FKBP9: variants seen among roughly 807,000 people sequenced by gnomAD.
The protein encoded by FKBP9 is peptidyl-prolyl cis-trans isomerase FKBP9.
Under a neutral mutation model 55.6 loss-of-function variants are expected in FKBP9, and 27 were observed. The ratio of observed to expected loss-of-function variants is 0.49; its 90% CI spans 0.36 to 0.67. The LOEUF is 0.67. Ranked by LOEUF, FKBP9 falls within the 30% of genes least tolerant of loss-of-function variation. The pLI, the probability that FKBP9 is intolerant of heterozygous loss-of-function variation, is 0.00. For synonymous variants in FKBP9, 267 were observed against 296.5 expected (o/e 0.90, Z 1.02); for missense variants, 539 against 742.8 (o/e 0.73, Z 3.19).
chr7:32,965,866 T>TATATATGTATACACATATATATAC (rs70989913), intron 1 of FKBP9, among the ~76,000 whole-genome samples: 6 of 97,534 alleles, frequency 6.2e-5, no homozygotes, highest in African/African-American at 2.4e-4. Context: ...TATATATATA[T>TATATATGTATACACATATATATAC]ACATACATAT....
intron 5 of FKBP9, 41 bp downstream of exon 5, chr7:32,980,594 A>G: frequency 1.2e-6 from 2 of 1,601,018 alleles, no homozygotes; most frequent in Non-Finnish European, 1.7e-6. Context: ...AGAACATTGT[A>G]TTAAATAAAG....
intron 1 of FKBP9, among the ~76,000 whole-genome samples, chr7:32,969,152 A>G (rs1350733186): frequency 6.6e-6 from 1 of 152,006 alleles, no homozygotes; most frequent in Non-Finnish European, 1.5e-5. Context: ...ATCCCTTATC[A>G]TATATGAGGT....
intron 9 of FKBP9, among the ~76,000 whole-genome samples, chr7:33,004,104 G>T (rs1369782460): frequency 6.6e-6 from 1 of 152,064 alleles, no homozygotes; most frequent in Non-Finnish European, 1.5e-5. Context: ...CTCGTAGGCC[G>T]TAATGGTCCT....
At chr7:32,960,847 T>C (rs1784007606) in intron 1 of FKBP9, among the ~76,000 whole-genome samples, 1 of 152,378 alleles carries the variant, frequency 6.6e-6, no homozygotes. Context: ...CTGTCTCTCA[T>C]AGAGTTCACA....
intron 8 of FKBP9, among the ~76,000 whole-genome samples, chr7:33,002,422 C>A (rs1784951318): frequency 6.6e-6 from 1 of 152,172 alleles, no homozygotes; most frequent in African/African-American, 2.4e-5. Context: ...CGTGAGCCAC[C>A]ATGCCTGGCC....
intron 1 of FKBP9, among the ~76,000 whole-genome samples, chr7:32,961,002 C>G (rs545379943): frequency 6.6e-6 from 1 of 152,176 alleles, no homozygotes; most frequent in Non-Finnish European, 1.5e-5. Flanking sequence ...GCCCAAGGAA[C>G]ATAAGTACTA....
In FKBP9 at chr7:32,975,192, C is replaced by G. The variant is rs1562566227; in HGVS notation, c.378C>G (p.Ile126Met). The G allele has an allele frequency of 1.2e-6, 2 of 1,610,656 alleles. No homozygotes were observed. Among genetic ancestry groups the G allele is most frequent in the Non-Finnish European group, 1.7e-6 (2 of 1,177,062 alleles). Residue 126 changes from isoleucine to methionine, a missense_variant, in exon 3 of 10, where the codon ATC becomes ATG. This residue lies in a region of FKBP9 where 236 missense variants were observed against 271.5 expected (regional missense o/e 0.87). Coordinates refer to ENST00000242209, the MANE Select transcript of FKBP9 (RefSeq NM_007270.5). ...AYGNEGVSGV[I>M]PPNSVLHFDV... ...ATCTTTAATTTCTAGCTGGTGTGAT[C>G]CCCCCCAATTCAGTGCTTCATTTTG...
intron 1 of FKBP9, among the ~76,000 whole-genome samples, chr7:32,961,154 T>C (rs895899697): frequency 6.6e-6 from 1 of 152,066 alleles, no homozygotes; most frequent in African/African-American, 2.4e-5. Flanking sequence ...TGTCTGTGTG[T>C]GGGGGAGGTT....
At chr7:32,993,388 G>A (rs184328002) in intron 6 of FKBP9, among the ~76,000 whole-genome samples, 4 of 152,182 alleles carry the variant, frequency 2.6e-5, no homozygotes, top group African/African-American at 9.6e-5. Flanking sequence ...ATCAACCTCT[G>A]ACAACCACCT....
Position 33,005,467 on chromosome 7 carries a change from G to C in FKBP9, c.*116G>C, listed in dbSNP as rs1785018305. 1 of 1,143,392 alleles carries C rather than the reference G, an allele frequency of 8.7e-7. No individual in the cohort carries two copies. The highest frequency in any genetic ancestry group is 1.5e-5 in the African/African-American group (1 of 65,056). 70.8% of individuals were successfully genotyped at this position (1,143,392 alleles called of 1,614,324 possible). A position where few individuals can be genotyped will look rare whatever the true frequency, so the allele number is the denominator to read the frequency against. ...AAGTTGCATCATTAGCCAGTAGTAG[G>C]TGGGTCACATAGTACCTGGTGTACA... On this transcript the variant is annotated 3_prime_UTR_variant, in exon 10 of 10. Transcript: ENST00000242209.
In FKBP9 at chr7:32,976,324, G is replaced by A. The variant is rs369192955; in HGVS notation, c.558-30G>A. 63 of 1,613,808 alleles carry A rather than the reference G, an allele frequency of 3.9e-5. No individual in the cohort carries two copies. In the African/African-American group the frequency reaches 8.1e-4, roughly 21 times the overall value. On this transcript the variant is annotated intron_variant, in intron 3 of 9. Coordinates refer to ENST00000242209, the MANE Select transcript of FKBP9 (RefSeq NM_007270.5). The stretch of plus-strand genomic sequence containing the variant: ...GAGTTGGAAATATCCTCATGGTGTG[G>A]AACTTTTTCCCTTTCTCATTACCTT...
chr7:33,003,549 C>A lies in FKBP9; in HGVS notation c.1536+710C>A, dbSNP rs568726852. Among the ~76,000 whole-genome samples the A allele has an allele frequency of 1.1e-3, 169 of 152,334 alleles. 1 individual carries two copies. Among genetic ancestry groups the A allele is most frequent in the African/African-American group, 3.9e-3 (161 of 41,568 alleles). ...CTCCTCCCATTCTCTCCTAAACCCA[C>A]TCCTTTCTGGCATTTGTCCCTCTAT... On this transcript the variant is annotated intron_variant, in intron 9 of 9. Transcript: ENST00000242209.
intron 6 of FKBP9, among the ~76,000 whole-genome samples, chr7:32,994,792 G>A (rs950434226): frequency 2.0e-5 from 3 of 152,152 alleles, no homozygotes; most frequent in South Asian, 2.1e-4. Context: ...AAATATGAGC[G>A]TGAGTGTGTT....
At chr7:33,003,856 G>A (rs1307442159) in intron 9 of FKBP9, among the ~76,000 whole-genome samples, 5 of 151,984 alleles carry the variant, frequency 3.3e-5, no homozygotes, top group African/African-American at 7.3e-5. Flanking sequence ...TGGTCTTATC[G>A]GGTCCATATC....
chr7:32,983,941 A>G (rs576734109), intron 5 of FKBP9, among the ~76,000 whole-genome samples: 38 of 152,364 alleles, frequency 2.5e-4, no homozygotes, highest in Non-Finnish European at 2.1e-4. Flanking sequence ...AGAGCTCTAC[A>G]CATTAAAAAT....
chr7:32,970,923 A>T (rs908018873), intron 1 of FKBP9, among the ~76,000 whole-genome samples: 2 of 150,362 alleles, frequency 1.3e-5, no homozygotes, highest in African/African-American at 4.9e-5. Flanking sequence ...GACCATGCTG[A>T]ATAGAAGTGT....
intron 5 of FKBP9, among the ~76,000 whole-genome samples, chr7:32,981,770 G>A (rs935068877): frequency 6.6e-6 from 1 of 151,630 alleles, no homozygotes; most frequent in Non-Finnish European, 1.5e-5. Context: ...ACTGGCGGGT[G>A]CCTGTAATCC....
At chr7:32,984,814 C>T (rs1429910235) in intron 5 of FKBP9, among the ~76,000 whole-genome samples, 4 of 152,250 alleles carry the variant, frequency 2.6e-5, no homozygotes, top group Admixed American at 2.0e-4. Flanking sequence ...TTCCAACATC[C>T]GTCATGAATG....
At chr7:32,977,870 C>CATGTGTGTAT (rs780985630) in intron 4 of FKBP9, among the ~76,000 whole-genome samples, 7 of 124,660 alleles carry the variant, frequency 5.6e-5, no homozygotes, top group African/African-American at 2.2e-4. Flanking sequence ...TATACATGCC[C>CATGTGTGTAT]ATATATATAT....
Sources: allele counts gnomAD v4.1 joint callset (sites outside exome capture counted in the v4.1 genomes callset), GRCh38; gene constraint gnomAD v4.1.1; regional missense constraint gnomAD v4.1.1; transcripts MANE v1.5; gene names NCBI Gene and HGNC (gene_info 2026-07-23, HGNC 2026-07-21).